The following BRAT1 variants were observed in gnomAD, a reference collection of about 807,000 sequenced individuals.
BRAT1 encodes BRCA1 associated ATM activator 1, also known as integrator complex assembly factor BRAT1.
A neutral mutation model predicts 70.6 loss-of-function variants in BRAT1; 74 were observed. The ratio of observed to expected loss-of-function variants is 1.05; its 90% CI spans 0.87 to 1.27. The LOEUF (loss-of-function observed/expected upper bound fraction) is 1.27, where lower values mean the gene tolerates loss of function less well. BRAT1 is among the 50% of genes most tolerant of loss of function. The pLI, the probability that BRAT1 is intolerant of heterozygous loss-of-function variation, is 0.00. For missense variants in BRAT1, 1,203 were observed against 1,098.2 expected, an observed-to-expected ratio of 1.10 and a Z score of -1.35; for synonymous variants, 615 against 517.1, an observed-to-expected ratio of 1.19 and a Z score of -2.57.
chr7:2,550,467 C>CAAAAAAA (rs71550358), intron 2 of BRAT1, among the ~76,000 whole-genome samples: 4 of 32,662 alleles, frequency 1.2e-4, no homozygotes, highest in Admixed American at 3.8e-4. Flanking sequence ...GACTCCATCT[C>CAAAAAAA]AAAAAAAAAA....
At chr7:2,544,781 A>C in intron 4 of BRAT1, 128 bp downstream of exon 4, 1 of 1,374,848 alleles carries the variant, frequency 7.3e-7, no homozygotes. Flanking sequence ...CCGTACTGTC[A>C]CAGTGCAGTC....
intron 6 of BRAT1, 52 bp from the exon 7 acceptor site, chr7:2,542,263 G>C (rs1274334753): frequency 6.9e-7 from 1 of 1,452,378 alleles, no homozygotes; most frequent in Non-Finnish European, 9.5e-7. Flanking sequence ...AGACAAGTTG[G>C]CTGTGCTCCT....
chr7:2,553,264 C>A (rs949065078), intron 2 of BRAT1, among the ~76,000 whole-genome samples: 1 of 152,156 alleles, frequency 6.6e-6, no homozygotes, highest in Non-Finnish European at 1.5e-5. Context: ...CTCCTGACTT[C>A]AAGTGACCTA....
intron 3 of BRAT1, among the ~76,000 whole-genome samples, chr7:2,546,448 A>G (rs1043616070): frequency 1.3e-5 from 2 of 149,492 alleles, no homozygotes; most frequent in African/African-American, 5.0e-5. Flanking sequence ...ACAAAACAAA[A>G]AAAGGCCGGG....
chr7:2,554,290 G>C lies in BRAT1; in HGVS notation c.127+15C>G, dbSNP rs543145292. 1.5e-4 allele frequency: 246 copies of C among 1,612,478 alleles called. 1 individual carries two copies. In the South Asian group the frequency reaches 2.6e-3, roughly 17 times the overall value. Reference sequence around the variant, plus strand: ...GTCTCTGGATAGGCAGTAAACAGCAGCACCACCTCCTTACCTCCTTCAGTG... The same window carrying C: ...GTCTCTGGATAGGCAGTAAACAGCACCACCACCTCCTTACCTCCTTCAGTG... On this transcript the variant is annotated intron_variant, in intron 2 of 13. Transcript: ENST00000340611.
At chr7:2,552,791 T>G (rs1046691367) in intron 2 of BRAT1, among the ~76,000 whole-genome samples, 1 of 151,802 alleles carries the variant, frequency 6.6e-6, no homozygotes, top group Non-Finnish European at 1.5e-5. Flanking sequence ...CAGGCTGCAG[T>G]GCAGTGGCGT....
chr7:2,538,557 C>G lies in BRAT1; in HGVS notation c.1978G>C (p.Val660Leu). 6.2e-7 allele frequency: 1 copy of G among 1,600,482 alleles called. No homozygotes were observed. The highest frequency in any genetic ancestry group is 1.1e-5 in the South Asian group (1 of 90,836). The change falls in exon 14 of 14, where the codon GTG (valine) becomes CTG (leucine). Residue 660 changes from valine to leucine, a missense_variant. Val to Leu is a conservative substitution (Grantham distance 32). Transcript: ENST00000340611. ...GGCCCCAAAGTCTGGCCCAGGAACA[C>G]GAGGGCCAGCTCCAGGCCCTGGGCG... is the stretch of plus-strand genomic sequence containing the variant. ...VRAQGLELAL[V>L]FLGQTLGPPR...
At chr7:2,542,513 G>A in intron 6 of BRAT1, 1 of 106,612 alleles carries the variant, frequency 9.4e-6, no homozygotes, top group South Asian at 5.6e-5. Flanking sequence ...GGACAGGGAT[G>A]GGGTGCCCCC....
rs533766344 is a variant in BRAT1, at chr7:2,543,904, C to A, written c.489G>T (p.Ala163=). Residue 163 remains alanine, a synonymous_variant, in exon 5 of 14, where the codon GCG becomes GCT. Transcript: ENST00000340611. The surrounding 1 kb of genome is among the most constrained non-coding windows in gnomAD (Gnocchi z 5.5). ...GGACGTGCACCAGGAGCTGACTGGC[C>A]GCCGAGGCCACAAACAGGCTGGAGT... ...QGDSSLFVAS[A]ASQLLVHVLA... The A allele has an allele frequency of 6.8e-6, 11 of 1,606,878 alleles. No homozygotes were observed. The South Asian group carries it at 1.2e-4, about 18-fold the overall frequency.
Position 2,539,829 on chromosome 7 carries a change from G to A in BRAT1, c.1455C>T (p.Pro485=), listed in dbSNP as rs555986902. The A allele has an allele frequency of 8.2e-5, 132 of 1,610,010 alleles. No homozygotes were observed. Among genetic ancestry groups the A allele is most frequent in the East Asian group, 4.0e-4 (18 of 44,774 alleles). ...LRWLLSSPKT[P]GCSDLGPLIP... is the part of the protein sequence containing the mutation. ...TGAGGGGGCCGAGATCAGAGCAGCC[G>A]GGGGTCTTGGGTGAGCTCAGGAGCC... Residue 485 remains proline (P), a synonymous_variant, in exon 11 of 14, where the codon CCC becomes CCT. Coordinates refer to ENST00000340611, the MANE Select transcript of BRAT1 (RefSeq NM_152743.4).
chr7:2,543,467 G>A lies in BRAT1; in HGVS notation c.803+123C>T. 6.8e-7 allele frequency: 1 copy of A among 1,479,174 alleles called. No homozygotes were observed. The highest frequency in any genetic ancestry group is 1.4e-5 in the South Asian group (1 of 71,850). The allele number at this position is 1,479,174 out of a possible 1,614,324, so 91.6% of individuals were successfully genotyped here. A position where few individuals can be genotyped will look rare whatever the true frequency, so the allele number is the denominator to read the frequency against. ...CCATGAGGGTTCCAGGGTCACCCCGGTGCCGCTTCACTGCAGGCCATGTCC... is the reference window on the plus strand; with the variant it reads ...CCATGAGGGTTCCAGGGTCACCCCGATGCCGCTTCACTGCAGGCCATGTCC... On this transcript the variant is annotated intron_variant, in intron 5 of 13. Coordinates refer to ENST00000340611, the MANE Select transcript of BRAT1 (RefSeq NM_152743.4). The surrounding 1 kb of genome is among the most constrained non-coding windows in gnomAD (Gnocchi z 5.5).
intron 6 of BRAT1, chr7:2,542,955 G>T (rs986255545): frequency 1.2e-5 from 4 of 343,158 alleles, no homozygotes; most frequent in African/African-American, 6.4e-5. Context: ...GCTCTGAGCA[G>T]AGCAGCTCCC....
At chr7:2,553,194 C>G in intron 2 of BRAT1, among the ~76,000 whole-genome samples, 1 of 152,062 alleles carries the variant, frequency 6.6e-6, no homozygotes, top group East Asian at 1.9e-4. Context: ...CCATGCCCGG[C>G]TAATTTTTTT....
Position 2,554,398 on chromosome 7 carries a change from G to C in BRAT1, c.34C>G (p.Leu12Val), listed in dbSNP as rs1554298600. 2 of 1,613,944 alleles carry C rather than the reference G, an allele frequency of 1.2e-6. No homozygotes were observed. Among genetic ancestry groups the C allele is most frequent in the Non-Finnish European group, 1.7e-6 (2 of 1,179,920 alleles). Reference protein sequence around the residue: ...DPECAQLLPALCAVLVDPRQP... With the variant: ...DPECAQLLPAVCAVLVDPRQP... ...CTGGGATCTACCAGAACAGCACAGA[G>C]AGCCGGGAGCAGCTGGGCGCATTCT... Residue 12 changes from leucine to valine, a missense_variant, in exon 2 of 14, where the codon CTC (leucine) becomes GTC (valine). Transcript: ENST00000340611.
Position 2,552,107 on chromosome 7 carries a change from T to TATATATATATATATATATA in BRAT1, c.127+2197_127+2198insTATATATATATATATATAT, listed in dbSNP as rs1491344376. 7.0e-3 allele frequency among the ~76,000 whole-genome samples: 105 copies of TATATATATATATATATATA among 15,054 alleles called. 3 individuals carry two copies. Among genetic ancestry groups the TATATATATATATATATATA allele is most frequent in the South Asian group, 0.011 (4 of 364 alleles). 9.9% of individuals were successfully genotyped at this position (15,054 alleles called of 152,430 possible). A position where few individuals can be genotyped will look rare whatever the true frequency, so the allele number is the denominator to read the frequency against. On this transcript the variant is annotated intron_variant, in intron 2 of 13. Transcript: ENST00000340611. Reference sequence around the variant, plus strand: ...ATATATATATATATATATATATATATTTTTTTTTTTTTTTTTTTTTTTTTT... The same window carrying TATATATATATATATATATA: ...ATATATATATATATATATATATATATATATATATATATATATATATTTTTTTTTTTTTTTTTTTTTTTTT...
intron 4 of BRAT1, 77 bp downstream of exon 4, chr7:2,544,832 G>A: frequency 6.6e-7 from 1 of 1,519,254 alleles, no homozygotes; most frequent in African/African-American, 1.4e-5. Context: ...CAGACACTCA[G>A]ATTCAGCAAG....
rs956557790 is a variant in BRAT1, at chr7:2,539,361, G to A, written c.1598-10C>T. On this transcript the variant is annotated splice_polypyrimidine_tract_variant and intron_variant, in intron 12 of 13. Coordinates refer to ENST00000340611, the MANE Select transcript of BRAT1 (RefSeq NM_152743.4). ...CTGAAGTCAGCCTGTCCTGGGGGTC[G>A]AAACGGCCACATGCAGCTGTGACTG... 2 of 1,596,754 alleles carry A rather than the reference G, an allele frequency of 1.3e-6. No homozygotes were observed. The highest frequency in any genetic ancestry group is 1.7e-6 in the Non-Finnish European group (2 of 1,168,522).
chr7:2,551,997 G>A (rs1293171030), intron 2 of BRAT1, among the ~76,000 whole-genome samples: 1 of 130,604 alleles, frequency 7.7e-6, no homozygotes, highest in Non-Finnish European at 1.6e-5. Context: ...AAAATACTCA[G>A]AACTAAATTA....
chr7:2,551,941 CTT>C (rs1422149101), intron 2 of BRAT1, among the ~76,000 whole-genome samples: 1 of 149,200 alleles, frequency 6.7e-6, no homozygotes. Context: ...AAAGGATACT[CTT>C]TTAAGTAACT....
Sources: gnomAD v4.1 joint callset for allele counts (sites outside exome capture counted in the v4.1 genomes callset) on GRCh38, gnomAD v4.1.1 for gene constraint, Gnocchi (gnomAD v3.1) non-coding constraint, MANE v1.5 for transcripts, NCBI Gene and HGNC (gene_info 2026-07-23, HGNC 2026-07-21) for gene names.